Variants in DHCR24 observed in about 807,000 individuals in gnomAD.
DHCR24 encodes 24-dehydrocholesterol reductase.
In DHCR24, 28 loss-of-function variants were observed where a neutral mutation model predicts 61.2. The ratio of observed to expected loss-of-function variants is 0.46; its 90% CI spans 0.34 to 0.63. DHCR24 has a LOEUF of 0.63. DHCR24 is among the 20% of genes least tolerant of loss of function. The pLI, the probability that DHCR24 is intolerant of heterozygous loss-of-function variation, is 0.01. For missense variants in DHCR24, 538 were observed against 679.1 expected (o/e 0.79, Z 2.31); for synonymous variants, 261 against 275.9 (o/e 0.95, Z 0.54).
intron 8 of DHCR24, among the ~76,000 whole-genome samples, chr1:54,852,809 C>T (rs939024760): frequency 7.7e-6 from 1 of 129,710 alleles, no homozygotes; most frequent in African/African-American, 2.7e-5. Context: ...CAGTCCAGAT[C>T]GTGGCTATAA....
chr1:54,871,418 G>A lies in DHCR24; in HGVS notation c.808C>T (p.Leu270=). 6.2e-7 allele frequency: 1 copy of A among 1,614,224 alleles called. No homozygotes were observed. Among genetic ancestry groups the A allele is most frequent in the Non-Finnish European group, 8.5e-7 (1 of 1,180,022 alleles). ...QRQENHFVEG[L]LYSLDEAVIM... is the part of the protein sequence containing the mutation. Reference sequence around the variant, plus strand: ...ACAGCCTCATCCAGGGAGTAGAGCAGCCCTTCCACGAAGTGGTTCTCCTGC... The same window carrying A: ...ACAGCCTCATCCAGGGAGTAGAGCAACCCTTCCACGAAGTGGTTCTCCTGC... Residue 270 remains leucine, a synonymous_variant, in exon 5 of 9, where the codon CTG becomes TTG. Coordinates refer to ENST00000371269, the MANE Select transcript of DHCR24 (RefSeq NM_014762.4).
chr1:54,886,992 G>T lies in DHCR24; in HGVS notation c.128C>A (p.Ser43Ter). The part of the protein sequence containing the change: ...VFVCLFLLPL[S>*]LIFDIYYYVR... ...GTAGTAGTAGATATCGAAGATAAGC[G>T]AGAGCGGCAGGAGGAAGAGGCACAC... is the stretch of plus-strand genomic sequence containing the variant. Residue 43 changes from serine to a stop codon, truncating the protein, a stop_gained, in exon 1 of 9, where the codon TCG (serine) becomes TAG (stop). Coordinates refer to ENST00000371269, the MANE Select transcript of DHCR24 (RefSeq NM_014762.4). LOFTEE classifies it high-confidence loss of function. 1 of 1,613,738 alleles carries T rather than the reference G, an allele frequency of 6.2e-7. No homozygotes were observed.
At chr1:54,853,726 C>T in intron 7 of DHCR24, 114 bp from the exon 8 acceptor site, 2 of 1,214,830 alleles carry the variant, frequency 1.6e-6, no homozygotes, top group Non-Finnish European at 2.3e-6. Context: ...TCAAGACCCC[C>T]TCAGGTGCTC....
chr1:54,860,217 C>T (rs1646928551), intron 6 of DHCR24, among the ~76,000 whole-genome samples: 1 of 152,230 alleles, frequency 6.6e-6, no homozygotes, highest in Non-Finnish European at 1.5e-5. Flanking sequence ...GTCACCATGG[C>T]CTGCCAGATG....
intron 4 of DHCR24, among the ~76,000 whole-genome samples, chr1:54,874,768 C>A (rs192176935): frequency 2.8e-3 from 428 of 152,054 alleles, no homozygotes; most frequent in Non-Finnish European, 4.0e-3. Context: ...TGACCTATGG[C>A]AAATAATCTC....
Position 54,865,464 on chromosome 1 carries a change from A to T in DHCR24, c.877-18T>A. On this transcript the variant is annotated intron_variant, in intron 5 of 8. Transcript: ENST00000371269. ...CTATTCAGCTGAAATGACAGAGGGC[A>T]TTGTGATCAGCCTGCAGACAAGCGC... 1.2e-6 allele frequency: 2 copies of T among 1,613,914 alleles called. No homozygotes were observed. Among genetic ancestry groups the T allele is most frequent in the South Asian group, 2.2e-5 (2 of 91,082 alleles).
chr1:54,851,572 G>A lies in DHCR24; in HGVS notation c.*661C>T, dbSNP rs1237700420. ...GCAGGCCCAGGCATGAAGGAGGAAGGGGCAGGACGGCACCAAGGATGGCAG... is the reference window on the plus strand; with the variant it reads ...GCAGGCCCAGGCATGAAGGAGGAAGAGGCAGGACGGCACCAAGGATGGCAG... On this transcript the variant is annotated 3_prime_UTR_variant, in exon 9 of 9. Transcript: ENST00000371269. 4 of 154,048 alleles carry A rather than the reference G, an allele frequency of 2.6e-5. No individual in the cohort carries two copies. The highest frequency in any genetic ancestry group is 1.9e-4 in the East Asian group (1 of 5,198). The allele number at this position is 154,048 out of a possible 1,614,324, so 9.5% of individuals were successfully genotyped here. A position where few individuals can be genotyped will look rare whatever the true frequency, so the allele number is the denominator to read the frequency against.
At chr1:54,886,665 G>A in intron 1 of DHCR24, 3 of 1,508,372 alleles carry the variant, frequency 2.0e-6, no homozygotes, top group Non-Finnish European at 2.6e-6. Flanking sequence ...TCTCCCTCCA[G>A]GTACCCGCAT....
chr1:54,885,244 C>G (rs1476799483), intron 1 of DHCR24, among the ~76,000 whole-genome samples: 1 of 152,142 alleles, frequency 6.6e-6, no homozygotes, highest in Non-Finnish European at 1.5e-5. Context: ...TAGGATTCCA[C>G]GACCAACCAG....
Position 54,865,441 on chromosome 1 carries a change from A to G in DHCR24, c.882T>C (p.Asn294=). ...ACGGCTTGTAGTAATTGCCAATGCTATTCAGCTGAAATGACAGAGGGCATT... is the reference window on the plus strand; with the variant it reads ...ACGGCTTGTAGTAATTGCCAATGCTGTTCAGCTGAAATGACAGAGGGCATT... ...MTDEAEPSKL[N]SIGNYYKPWF... is the part of the protein sequence containing the mutation. Residue 294 remains asparagine (N), a synonymous_variant, in exon 6 of 9, where the codon AAT becomes AAC. Transcript: ENST00000371269. 3.1e-6 allele frequency: 5 copies of G among 1,614,128 alleles called. No homozygotes were observed. The highest frequency in any genetic ancestry group is 4.2e-6 in the Non-Finnish European group (5 of 1,180,010).
chr1:54,871,708 T>A (rs1301931442), intron 4 of DHCR24, 95 bp from the exon 5 acceptor site: 12 of 1,519,208 alleles, frequency 7.9e-6, no homozygotes, highest in African/African-American at 2.8e-5. Flanking sequence ...AGAGTCCCTA[T>A]TCTCTCACTC....
chr1:54,855,211 G>A (rs372817249), intron 6 of DHCR24, among the ~76,000 whole-genome samples: 5 of 152,052 alleles, frequency 3.3e-5, no homozygotes, highest in African/African-American at 4.8e-5. Context: ...TGGCTAACAC[G>A]GTGAAACCCC....
intron 7 of DHCR24, among the ~76,000 whole-genome samples, chr1:54,853,830 G>C (rs979845499): frequency 5.3e-5 from 8 of 152,084 alleles, no homozygotes; most frequent in Non-Finnish European, 8.8e-5. Context: ...GGGAGTGCTC[G>C]ATGCCAGACC....
chr1:54,885,077 A>T (rs958786123), intron 1 of DHCR24, among the ~76,000 whole-genome samples: 39 of 152,186 alleles, frequency 2.6e-4, no homozygotes, highest in Admixed American at 9.8e-4. Context: ...CTTGCAACCA[A>T]AAGTCTGGTC....
chr1:54,879,322 G>GAAAA (rs58945175), intron 2 of DHCR24, among the ~76,000 whole-genome samples: 28 of 108,490 alleles, frequency 2.6e-4, no homozygotes, highest in African/African-American at 1.0e-3. Context: ...GACTCCATCT[G>GAAAA]AAAAAAAAAA....
At chr1:54,856,915 C>T (rs1452568994) in intron 6 of DHCR24, among the ~76,000 whole-genome samples, 1 of 152,194 alleles carries the variant, frequency 6.6e-6, no homozygotes, top group Non-Finnish European at 1.5e-5. Context: ...CATCAAACTT[C>T]TAGATCACTG....
intron 5 of DHCR24, among the ~76,000 whole-genome samples, chr1:54,866,434 C>T (rs1315958952): frequency 6.6e-6 from 1 of 151,846 alleles, no homozygotes; most frequent in African/African-American, 2.4e-5. Context: ...CTGCAAGCTC[C>T]ACCTCCCTGG....
intron 6 of DHCR24, among the ~76,000 whole-genome samples, chr1:54,865,052 C>T (rs930292084): frequency 6.6e-6 from 1 of 152,158 alleles, no homozygotes; most frequent in South Asian, 2.1e-4. Flanking sequence ...TCTGTGTTCC[C>T]CAAAGTACCG....
In DHCR24 at chr1:54,877,135, G is replaced by A. The variant is rs555496319; in HGVS notation, c.388-1088C>T. 4.6e-5 allele frequency among the ~76,000 whole-genome samples: 7 copies of A among 151,958 alleles called. No homozygotes were observed. In the East Asian group the frequency reaches 1.2e-3, roughly 26 times the overall value. ...GACTTTGAATAGAATGCGGAAGCAG[G>A]TTTGTCCTGAGCAGTTCCCAGCTTG... On this transcript the variant is annotated intron_variant, in intron 2 of 8. Coordinates refer to ENST00000371269, the MANE Select transcript of DHCR24 (RefSeq NM_014762.4).
Sources: allele counts gnomAD v4.1 joint callset (sites outside exome capture counted in the v4.1 genomes callset), GRCh38; gene constraint gnomAD v4.1.1; transcripts MANE v1.5; gene names NCBI Gene and HGNC (gene_info 2026-07-23, HGNC 2026-07-21).